KRT37: variants seen among roughly 807,000 people sequenced by gnomAD.
KRT37 encodes keratin, type I cuticular Ha7.
Under a neutral mutation model 41.9 loss-of-function variants are expected in KRT37, and 38 were observed. The observed-to-expected ratio is 0.91, with a 90% CI of 0.70 to 1.19. KRT37 has a LOEUF of 1.19. Ranked by LOEUF, KRT37 falls within the 50% of genes most tolerant of loss-of-function variation. The pLI, the probability that KRT37 is intolerant of heterozygous loss-of-function variation, is 0.00. For synonymous variants in KRT37, 252 were observed against 243.4 expected (o/e 1.04, Z -0.33); for missense variants, 580 against 575.5 (o/e 1.01, Z -0.08).
intron 6 of KRT37, 131 bp from the exon 7 acceptor site, chr17:41,421,117 T>C (rs2018533623): frequency 7.6e-6 from 6 of 787,562 alleles, no homozygotes. Context: ...CCAACAGTTC[T>C]CTCATCTGTG....
intron 3 of KRT37, 86 bp from the exon 4 acceptor site, chr17:41,422,520 C>T: frequency 1.9e-6 from 3 of 1,538,762 alleles, no homozygotes; most frequent in Non-Finnish European, 2.7e-6. Flanking sequence ...CCCTGGCAAG[C>T]AGTAGGAGGG....
rs140730413 is a variant in KRT37, at chr17:41,424,257, G to T, written c.267C>A (p.Ile89=). 1 of 1,614,206 alleles carries T rather than the reference G, an allele frequency of 6.2e-7. No homozygotes were observed. The highest frequency in any genetic ancestry group is 1.1e-5 in the South Asian group (1 of 91,084). The change falls in exon 1 of 7, where the codon ATC becomes ATA. Residue 89 remains isoleucine (I), a synonymous_variant. Transcript: ENST00000225550. The part of the protein sequence containing the change: ...LPGTCHIPGN[I]GICGAYGKNT... ...TTTTGCCGTAGGCCCCACAGATTCC[G>T]ATGTTGCCGGGAATGTGACAGGTCC...
At position 41,420,753 on chromosome 17, in the gene KRT37, T is replaced by G. The variant is rs2018527804; in HGVS notation, c.*125A>C. On this transcript the variant is annotated 3_prime_UTR_variant, in exon 7 of 7. Coordinates refer to ENST00000225550, the MANE Select transcript of KRT37 (RefSeq NM_003770.5). ...GGCAGGGAGCCACTCCTTGGAAGTA[T>G]CTGCTACCGGTTGATTTAGGGAAAA... The G allele has an allele frequency of 1.7e-6, 1 of 600,858 alleles. No individual in the cohort carries two copies. Among genetic ancestry groups the G allele is most frequent in the African/African-American group, 1.8e-5 (1 of 54,582 alleles). 37.2% of individuals were successfully genotyped at this position (600,858 alleles called of 1,614,324 possible).
intron 6 of KRT37, 66 bp from the exon 7 acceptor site, chr17:41,421,052 T>C (rs1267782145): frequency 7.5e-7 from 1 of 1,325,644 alleles, no homozygotes; most frequent in Admixed American, 1.8e-5. Flanking sequence ...AAGGGTAAGA[T>C]CAGGGTGAAG....
rs2018526486 is a variant in KRT37, at chr17:41,420,613, G to A, written c.*265C>T. 1 of 395,456 alleles carries A rather than the reference G, an allele frequency of 2.5e-6. No individual in the cohort carries two copies. The highest frequency in any genetic ancestry group is 2.0e-5 in the African/African-American group (1 of 48,920). The allele number at this position is 395,456 out of a possible 1,614,324, so 24.5% of individuals were successfully genotyped here. ...ACCCAGTTACATTTTTGGAGATTCT[G>A]AAACACTGGAATAGAACTAAAAGTA... On this transcript the variant is annotated 3_prime_UTR_variant, in exon 7 of 7. Transcript: ENST00000225550.
At chr17:41,423,639 A>T (rs945475097) in intron 2 of KRT37, 123 bp downstream of exon 2, 3 of 763,188 alleles carry the variant, frequency 3.9e-6, no homozygotes, top group Admixed American at 2.4e-5. Context: ...TAAGGTGTGG[A>T]GAGAAATATT....
chr17:41,423,551 C>T, intron 2 of KRT37: 2 of 571,540 alleles, frequency 3.5e-6, no homozygotes, highest in Non-Finnish European at 6.2e-6. Context: ...CCAATCTAGA[C>T]TACAGCCCTT....
intron 2 of KRT37, 140 bp downstream of exon 2, chr17:41,423,622 G>A (rs914005487): frequency 2.1e-5 from 14 of 680,112 alleles, no homozygotes; most frequent in African/African-American, 1.8e-4. Flanking sequence ...CTAGCAACAG[G>A]CTAATTTAAG....
At chr17:41,423,691 T>G in intron 2 of KRT37, 71 bp downstream of exon 2, 1 of 1,411,742 alleles carries the variant, frequency 7.1e-7, no homozygotes, top group Admixed American at 1.7e-5. Flanking sequence ...CAATATAGAC[T>G]GAGTAATGGG....
Position 41,421,937 on chromosome 17 carries a change from T to A in KRT37, c.1020+132A>T, listed in dbSNP as rs1040790121. 7 of 1,475,542 alleles carry A rather than the reference T, an allele frequency of 4.7e-6. No individual in the cohort carries two copies. In the African/African-American group the frequency reaches 9.8e-5, roughly 21 times the overall value. 91.4% of individuals were successfully genotyped at this position (1,475,542 alleles called of 1,614,324 possible). On this transcript the variant is annotated intron_variant, in intron 5 of 6. Transcript: ENST00000225550. ...TCACACTGAACTTGACAGCAAGACG[T>A]CTCCATCGGGTATAGAGGACCCCAG...
At position 41,424,443 on chromosome 17, in the gene KRT37, A is replaced by G. The variant is rs1258258782; in HGVS notation, c.81T>C (p.Pro27=). 6.2e-7 allele frequency: 1 copy of G among 1,610,680 alleles called. No individual in the cohort carries two copies. The highest frequency in any genetic ancestry group is 1.3e-5 in the African/African-American group (1 of 74,866). Residue 27 remains proline, a synonymous_variant, in exon 1 of 7, where the codon CCT becomes CCC. Transcript: ENST00000225550. The part of the protein sequence containing the change: ...APGARNVFVS[P]IDVGCQPVAE... Reference sequence around the variant, plus strand: ...CCACAGGCTGGCACCCAACATCGATAGGAGAGACAAAGACATTTCTTGCTC... The same window carrying G: ...CCACAGGCTGGCACCCAACATCGATGGGAGAGACAAAGACATTTCTTGCTC...
At chr17:41,422,702 C>T in intron 3 of KRT37, 76 bp downstream of exon 3, 1 of 1,391,178 alleles carries the variant, frequency 7.2e-7, no homozygotes. Context: ...AGGCAATGCT[C>T]TGAGAGCCCC....
chr17:41,422,883 C>T lies in KRT37; in HGVS notation c.627G>A (p.Gly209=). 6.2e-7 allele frequency: 1 copy of T among 1,614,202 alleles called. No individual in the cohort carries two copies. The highest frequency in any genetic ancestry group is 8.5e-7 in the Non-Finnish European group (1 of 1,180,024). ...TCGCGTCATCCAGGAGCTTCTGCGT[C>T]CCGCACTTGTCCGCCTCCACCAGCT... ...LHQLVEADKC[G]TQKLLDDATL... Residue 209 remains glycine (G), a synonymous_variant, in exon 3 of 7, where the codon GGG becomes GGA. Coordinates refer to ENST00000225550, the MANE Select transcript of KRT37 (RefSeq NM_003770.5).
chr17:41,422,939 C>T lies in KRT37; in HGVS notation c.576-5G>A, dbSNP rs200214003. ...AGGGAGCGCTCACTCTCCAGCCTTCCGTCACAGGAGGCACAGGGTCAAAAA... is the reference window on the plus strand; with the variant it reads ...AGGGAGCGCTCACTCTCCAGCCTTCTGTCACAGGAGGCACAGGGTCAAAAA... On this transcript the variant is annotated splice_region_variant and splice_polypyrimidine_tract_variant and intron_variant, in intron 2 of 6. Transcript: ENST00000225550. The T allele has an allele frequency of 7.7e-5, 124 of 1,610,218 alleles. No homozygotes were observed. Among genetic ancestry groups the T allele is most frequent in the Middle Eastern group, 1.6e-4 (1 of 6,062 alleles).
chr17:41,422,115 C>A lies in KRT37; in HGVS notation c.974G>T (p.Cys325Phe). Reference sequence around the variant, plus strand: ...CTCCACCTCCAGGGCATTCACCGTGCATCTCAGCTCCAGGATCTCCGACTG... The same window carrying A: ...CTCCACCTCCAGGGCATTCACCGTGAATCTCAGCTCCAGGATCTCCGACTG... ...CCQSEILELR[C>F]TVNALEVERQ... The change falls in exon 5 of 7, where the codon TGC becomes TTC. Residue 325 changes from cysteine to phenylalanine, a missense_variant. Transcript: ENST00000225550. 1 of 1,614,238 alleles carries A rather than the reference C, an allele frequency of 6.2e-7. No individual in the cohort carries two copies. Among genetic ancestry groups the A allele is most frequent in the Non-Finnish European group, 8.5e-7 (1 of 1,180,048 alleles).
At chr17:41,423,537 C>T (rs759617251) in intron 2 of KRT37, 14 of 530,572 alleles carry the variant, frequency 2.6e-5, no homozygotes, top group Non-Finnish European at 4.3e-5. Flanking sequence ...GACATAGGTT[C>T]TAACCAATCT....
chr17:41,422,263 C>T lies in KRT37; in HGVS notation c.894+10G>A. On this transcript the variant is annotated intron_variant, in intron 4 of 6. Transcript: ENST00000225550. ...GCCAGGTACTCCCTGGCTCTGTAAC[C>T]CCCACTCACCTGGGCTTGGAACCAC... 1 of 1,613,830 alleles carries T rather than the reference C, an allele frequency of 6.2e-7. No individual in the cohort carries two copies. Among genetic ancestry groups the T allele is most frequent in the Non-Finnish European group, 8.5e-7 (1 of 1,179,770 alleles).
chr17:41,424,574 G>A lies in KRT37; in HGVS notation c.-51C>T, dbSNP rs771872626. ...GCTTCAGATCAGCTGGGAAGGCTGAGCCACTGAGACTGAAGCCTCCTCTCC... is the reference window on the plus strand; with the variant it reads ...GCTTCAGATCAGCTGGGAAGGCTGAACCACTGAGACTGAAGCCTCCTCTCC... On this transcript the variant is annotated 5_prime_UTR_variant, in exon 1 of 7. Transcript: ENST00000225550. 2.0e-6 allele frequency: 3 copies of A among 1,521,492 alleles called. No individual in the cohort carries two copies. The highest frequency in any genetic ancestry group is 4.6e-5 in the East Asian group (2 of 43,942). The allele number at this position is 1,521,492 out of a possible 1,614,324, so 94.2% of individuals were successfully genotyped here. A position where few individuals can be genotyped will look rare whatever the true frequency, so the allele number is the denominator to read the frequency against.
rs138622207 is a variant in KRT37 at position 41,421,555 on chromosome 17, C to T, written c.1053G>A (p.Ala351=). ...KDCLQNSLCE[A]EDRYGTELAQ... is the part of the protein sequence containing the mutation. ...CCAGCTCTGTGCCGTAGCGGTCCTC[C>T]GCTTCACACAGGGAGTTCTGCAGAC... is the stretch of plus-strand genomic sequence containing the variant. Residue 351 remains alanine (A), a synonymous_variant, in exon 6 of 7, where the codon GCG becomes GCA. Coordinates refer to ENST00000225550, the MANE Select transcript of KRT37 (RefSeq NM_003770.5). The T allele has an allele frequency of 4.9e-4, 796 of 1,614,102 alleles. 1 individual carries two copies. Among genetic ancestry groups the T allele is most frequent in the Admixed American group, 6.2e-4 (37 of 60,000 alleles).
Sources: allele counts gnomAD v4.1 joint callset, GRCh38; gene constraint gnomAD v4.1.1; transcripts MANE v1.5; gene names NCBI Gene and HGNC (gene_info 2026-07-23, HGNC 2026-07-21).